FRMD5: variants seen among roughly 807,000 people sequenced by gnomAD.
FRMD5 encodes FERM domain-containing protein 5.
A neutral mutation model predicts 69.0 loss-of-function variants in FRMD5; 20 were observed. That is an observed-to-expected ratio of 0.29 (90% CI 0.20 to 0.42). The LOEUF (loss-of-function observed/expected upper bound fraction) is 0.42. Among genes scored for constraint, FRMD5 ranks in the 10% least tolerant of loss-of-function variants. The pLI is 1.00. For missense variants in FRMD5, 595 were observed against 708.6 expected, an observed-to-expected ratio of 0.84 and a Z score of 1.82; for synonymous variants, 271 against 260.1, an observed-to-expected ratio of 1.04 and a Z score of -0.40.
chr15:43,938,032 C>T (rs569859845), intron 1 of FRMD5, among the ~76,000 whole-genome samples: 4 of 151,828 alleles, frequency 2.6e-5, no homozygotes, highest in Non-Finnish European at 5.9e-5. Context: ...CTTTGGGAGG[C>T]CATCCTGGCT....
At chr15:43,889,023 A>G (rs372639739) in intron 8 of FRMD5, 151 bp from the exon 9 acceptor site, 4 of 657,152 alleles carry the variant, frequency 6.1e-6, no homozygotes, top group African/African-American at 5.4e-5. Context: ...ACAGCAGCGC[A>G]GTGGCCTTAG....
chr15:43,891,515 G>A (rs2088792454), intron 8 of FRMD5, among the ~76,000 whole-genome samples: 1 of 152,242 alleles, frequency 6.6e-6, no homozygotes, highest in South Asian at 2.1e-4. Flanking sequence ...TTTTGCCAAA[G>A]TAGCAAAGGA....
chr15:43,923,302 G>T (rs1460132182), intron 2 of FRMD5, among the ~76,000 whole-genome samples: 1 of 152,190 alleles, frequency 6.6e-6, no homozygotes, highest in Non-Finnish European at 1.5e-5. Flanking sequence ...TTTTTGCAGG[G>T]AACACAGGTA....
chr15:43,873,829 TG>T lies in FRMD5; in HGVS notation c.*55del. The T allele has an allele frequency of 6.3e-7, 1 of 1,595,020 alleles. No homozygotes were observed. The highest frequency in any genetic ancestry group is 8.5e-7 in the Non-Finnish European group (1 of 1,169,626). On this transcript the variant is annotated 3_prime_UTR_variant, in exon 14 of 14. Transcript: ENST00000417257. ...CCGCGATGGGTCCCATTGCTGGGAA[TG>T]GGTAGCCGGGTTCCTTGGTCCACCT... is the stretch of plus-strand genomic sequence containing the variant.
intron 1 of FRMD5, among the ~76,000 whole-genome samples, chr15:44,182,989 G>A (rs2696071): frequency 0.73 from 109,956 of 150,932 alleles, 42,805 homozygotes; most frequent in East Asian, 0.86. Flanking sequence ...TAGTAGAGAC[G>A]GGATTTCACC....
chr15:44,189,432 G>C (rs1401441465), intron 1 of FRMD5, among the ~76,000 whole-genome samples: 1 of 151,092 alleles, frequency 6.6e-6, no homozygotes, highest in African/African-American at 2.4e-5. Flanking sequence ...TAGACCCTCT[G>C]TTCCCCCTGG....
intron 1 of FRMD5, among the ~76,000 whole-genome samples, chr15:44,049,723 C>A (rs1282765892): frequency 6.6e-6 from 1 of 152,120 alleles, no homozygotes; most frequent in Non-Finnish European, 1.5e-5. Context: ...TTATTTAATA[C>A]CTACTATGTG....
At chr15:44,031,034 C>T (rs1414126368) in intron 1 of FRMD5, among the ~76,000 whole-genome samples, 13 of 151,950 alleles carry the variant, frequency 8.6e-5, no homozygotes. Flanking sequence ...GACTGGGTCT[C>T]CTAGTCAAAA....
At chr15:44,069,280 A>G (rs1893433459) in intron 1 of FRMD5, among the ~76,000 whole-genome samples, 1 of 152,214 alleles carries the variant, frequency 6.6e-6, no homozygotes, top group Non-Finnish European at 1.5e-5. Context: ...GTTTCTTACA[A>G]ATCTAAACAT....
intron 4 of FRMD5, 68 bp from the exon 5 acceptor site, chr15:43,910,047 T>G: frequency 2.4e-6 from 2 of 844,128 alleles, no homozygotes; most frequent in Non-Finnish European, 3.8e-6. Flanking sequence ...AAATATGTAT[T>G]GTAAGCCTAT....
upstream of FRMD5, among the ~76,000 whole-genome samples, chr15:44,197,846 A>T (rs978109214): frequency 6.6e-6 from 1 of 152,230 alleles, no homozygotes; most frequent in Admixed American, 6.5e-5. Context: ...TTAACAGGTT[A>T]TCCAAATAAG....
intron 1 of FRMD5, among the ~76,000 whole-genome samples, chr15:44,002,724 G>C (rs540549099): frequency 6.6e-6 from 1 of 152,264 alleles, no homozygotes; most frequent in African/African-American, 2.4e-5. Context: ...AACCTATTAG[G>C]TCAGGGGTCG....
At chr15:43,961,703 A>G (rs1015427355) in intron 1 of FRMD5, among the ~76,000 whole-genome samples, 9 of 152,252 alleles carry the variant, frequency 5.9e-5, no homozygotes, top group African/African-American at 1.9e-4. Context: ...AAGCTTATCC[A>G]CCATGATCAA....
chr15:44,012,769 T>C (rs1213710804), intron 1 of FRMD5, among the ~76,000 whole-genome samples: 3 of 143,536 alleles, frequency 2.1e-5, no homozygotes, highest in African/African-American at 8.5e-5. Context: ...GGGTTTTTTT[T>C]TTTTTTTTTT....
At chr15:44,029,230 T>C (rs1270122295) in intron 1 of FRMD5, among the ~76,000 whole-genome samples, 1 of 152,182 alleles carries the variant, frequency 6.6e-6, no homozygotes, top group Non-Finnish European at 1.5e-5. Flanking sequence ...TTTGTAACCT[T>C]TATGGAATGG....
chr15:44,058,913 G>T (rs969642236), intron 1 of FRMD5, among the ~76,000 whole-genome samples: 13 of 152,100 alleles, frequency 8.5e-5, no homozygotes, highest in Non-Finnish European at 1.8e-4. Context: ...CATTTTTAAA[G>T]ATTTTATCTT....
chr15:44,065,470 A>G (rs1893269372), intron 1 of FRMD5, among the ~76,000 whole-genome samples: 1 of 152,212 alleles, frequency 6.6e-6, no homozygotes, highest in South Asian at 2.1e-4. Context: ...CACCCAACCC[A>G]AACAGGTAAA....
chr15:44,119,038 C>G (rs953193516), intron 1 of FRMD5, among the ~76,000 whole-genome samples: 2 of 152,220 alleles, frequency 1.3e-5, no homozygotes, highest in Admixed American at 6.5e-5. Flanking sequence ...TCACAGCTCA[C>G]TGCAGCCTCG....
chr15:43,961,223 T>C (rs2090194329), intron 1 of FRMD5, among the ~76,000 whole-genome samples: 1 of 151,950 alleles, frequency 6.6e-6, no homozygotes, highest in African/African-American at 2.4e-5. Flanking sequence ...AAAGGGGATA[T>C]CACCACCGAT....
Sources: gnomAD v4.1 joint callset for allele counts (sites outside exome capture counted in the v4.1 genomes callset) on GRCh38, gnomAD v4.1.1 for gene constraint, MANE v1.5 for transcripts, NCBI Gene and HGNC (gene_info 2026-07-23, HGNC 2026-07-21) for gene names.